Variants in NRG1 observed in about 807,000 individuals in gnomAD.
The protein encoded by NRG1 is neuregulin 1.
Under a neutral mutation model 63.8 loss-of-function variants are expected in NRG1, and 18 were observed. The ratio of observed to expected loss-of-function variants is 0.28; its 90% CI spans 0.19 to 0.42. NRG1 has a LOEUF of 0.42. Ranked by LOEUF, NRG1 falls within the 10% of genes least tolerant of loss-of-function variation. The pLI is 1.00. For synonymous variants in NRG1, 302 were observed against 301.3 expected (o/e 1.00, Z -0.02); for missense variants, 762 against 814.7 (o/e 0.94, Z 0.79).
chr8:32,195,851 A>G (rs909687930), intron 1 of NRG1, among the ~76,000 whole-genome samples: 2 of 152,146 alleles, frequency 1.3e-5, no homozygotes, highest in Non-Finnish European at 2.9e-5. Context: ...AAGCAGTTCA[A>G]GTGGTCTTAG....
chr8:31,714,471 A>G (rs1195627799), intron 1 of NRG1, among the ~76,000 whole-genome samples: 2 of 152,078 alleles, frequency 1.3e-5, no homozygotes, highest in Admixed American at 1.3e-4. Context: ...TTGAATCCTG[A>G]TGAGTATTAT....
At chr8:32,159,555 A>AAG (rs960833764) in intron 1 of NRG1, among the ~76,000 whole-genome samples, 4 of 151,742 alleles carry the variant, frequency 2.6e-5, no homozygotes, top group African/African-American at 9.7e-5. Context: ...AAAAAAAAAA[A>AAG]AAAGAAAAAG....
chr8:32,092,268 C>T (rs895496287), intron 1 of NRG1, among the ~76,000 whole-genome samples: 4 of 151,492 alleles, frequency 2.6e-5, no homozygotes, highest in African/African-American at 9.7e-5. Flanking sequence ...CTAACCTGGG[C>T]AACATGGCAA....
chr8:31,846,157 C>T (rs2129608358), intron 1 of NRG1, among the ~76,000 whole-genome samples: 1 of 152,288 alleles, frequency 6.6e-6, no homozygotes, highest in East Asian at 1.9e-4. Context: ...TTCATTTCTT[C>T]CTAGTTATAG....
intron 1 of NRG1, among the ~76,000 whole-genome samples, chr8:32,284,489 G>GCCTGCCTGCCTTCCTTCCTT (rs1338557078): frequency 0.012 from 1,591 of 132,542 alleles, 15 homozygotes; most frequent in Middle Eastern, 0.046. Context: ...CTGCCTGCCT[G>GCCTGCCTGCCTTCCTTCCTT]CCTTCCTTCC....
chr8:32,259,873 A>G (rs1485320454), intron 1 of NRG1, among the ~76,000 whole-genome samples: 3 of 151,954 alleles, frequency 2.0e-5, no homozygotes, highest in Non-Finnish European at 2.9e-5. Flanking sequence ...TCCTTTTCTC[A>G]TCAGCCTCTG....
At chr8:31,813,046 C>T (rs775695731) in intron 1 of NRG1, among the ~76,000 whole-genome samples, 12 of 152,148 alleles carry the variant, frequency 7.9e-5, no homozygotes, top group Admixed American at 4.6e-4. Flanking sequence ...GTTCTCATCA[C>T]TCTCTGCTAC....
rs574256409 is a variant in NRG1, at chr8:31,922,492, A to T, written c.37+283061A>T. Among the ~76,000 whole-genome samples the T allele has an allele frequency of 2.6e-5, 4 of 152,288 alleles. No individual in the cohort carries two copies. The East Asian group carries it at 5.8e-4, about 22-fold the overall frequency. ...ACCTTTATCTCGCCATTAGCAGGAG[A>T]CATTATGGAAAAATATAATGCCATA... On this transcript the variant is annotated intron_variant, in intron 1 of 10. Coordinates refer to the NRG1 transcript ENST00000519301.
chr8:32,502,892 T>C (rs1828031545), intron 1 of NRG1, among the ~76,000 whole-genome samples: 1 of 152,144 alleles, frequency 6.6e-6, no homozygotes, highest in African/African-American at 2.4e-5. Flanking sequence ...CATTCTCTCA[T>C]AATTTCTAGA....
chr8:32,771,038 A>G (rs1399031480), downstream of NRG1, among the ~76,000 whole-genome samples: 1 of 152,178 alleles, frequency 6.6e-6, no homozygotes, highest in East Asian at 1.9e-4. Flanking sequence ...CTTTTTAATA[A>G]CAACAGTATG....
chr8:32,346,875 G>A (rs1409824048), intron 1 of NRG1, among the ~76,000 whole-genome samples: 4 of 151,264 alleles, frequency 2.6e-5, no homozygotes, highest in Admixed American at 2.6e-4. Flanking sequence ...TGTTGCCCAG[G>A]CTGGAGTGCA....
At chr8:32,559,580 T>C (rs188885734) in intron 1 of NRG1, among the ~76,000 whole-genome samples, 46 of 152,282 alleles carry the variant, frequency 3.0e-4, no homozygotes, top group Admixed American at 2.9e-3. Context: ...CAGGCTTTCT[T>C]TTCAATTAGA....
intron 1 of NRG1, among the ~76,000 whole-genome samples, chr8:31,724,223 C>G (rs1466379661): frequency 6.6e-6 from 1 of 152,036 alleles, no homozygotes; most frequent in Non-Finnish European, 1.5e-5. Flanking sequence ...ACATGAAACT[C>G]TCTCCTTGAC....
chr8:32,401,410 T>C (rs9297190), intron 1 of NRG1, among the ~76,000 whole-genome samples: 38,680 of 152,136 alleles, frequency 0.25, 5,186 homozygotes, highest in Middle Eastern at 0.34. Flanking sequence ...CTGGCACTTA[T>C]CATTTATCTA....
At chr8:32,246,469 C>G (rs1465527487) in intron 1 of NRG1, among the ~76,000 whole-genome samples, 1 of 152,136 alleles carries the variant, frequency 6.6e-6, no homozygotes, top group Non-Finnish European at 1.5e-5. Flanking sequence ...GTGACGGCAT[C>G]AGAAGCTTCT....
chr8:32,639,181 G>A (rs1164866338), intron 5 of NRG1, among the ~76,000 whole-genome samples: 1 of 152,034 alleles, frequency 6.6e-6, no homozygotes, highest in Non-Finnish European at 1.5e-5. Flanking sequence ...CGAGGTGGGC[G>A]GATCACCTGA....
chr8:31,733,800 C>A (rs1179692680), intron 1 of NRG1, among the ~76,000 whole-genome samples: 1 of 152,142 alleles, frequency 6.6e-6, no homozygotes, highest in Non-Finnish European at 1.5e-5. Context: ...CTCTGCCCCC[C>A]CGCCCACATG....
At chr8:32,661,586 G>T (rs2128875248) in intron 5 of NRG1, among the ~76,000 whole-genome samples, 1 of 150,798 alleles carries the variant, frequency 6.6e-6, no homozygotes, top group East Asian at 1.9e-4. Flanking sequence ...AAGAAACACG[G>T]GCTGGTCTAA....
At position 31,957,190 on chromosome 8, in the gene NRG1, G is replaced by GTTT. The variant is rs5890609; in HGVS notation, c.37+317770_37+317772dup. ...TGCACTGGCCAATTCAAATCAAAGA[G>GTTT]TTTTTTTTTTTTTCTTGTCTTTGGC... On this transcript the variant is annotated intron_variant, in intron 1 of 10. Coordinates refer to the NRG1 transcript ENST00000519301. Among the ~76,000 whole-genome samples, 365 of 147,946 alleles carry GTTT rather than the reference G, an allele frequency of 2.5e-3. 3 individuals carry two copies. The highest frequency in any genetic ancestry group is 8.2e-3 in the African/African-American group (332 of 40,276).
Sources: gnomAD v4.1 joint callset for allele counts (sites outside exome capture counted in the v4.1 genomes callset) on GRCh38, gnomAD v4.1.1 for gene constraint, MANE v1.5 for transcripts, NCBI Gene and HGNC (gene_info 2026-07-23, HGNC 2026-07-21) for gene names.